The following HDAC9 variants were observed in gnomAD, a reference collection of about 807,000 sequenced individuals.
The protein encoded by HDAC9 is histone deacetylase 9.
HDAC9 carries 41 observed loss-of-function variants against 139.4 expected under a neutral mutation model. The observed-to-expected ratio is 0.29, with a 90% CI of 0.23 to 0.38. The LOEUF (loss-of-function observed/expected upper bound fraction) is 0.38, where lower values mean the gene tolerates loss of function less well. Among genes scored for constraint, HDAC9 ranks in the 10% least tolerant of loss-of-function variants. The probability of loss-of-function intolerance (pLI) is 1.00; values close to 1 mark genes in which losing one functional copy is unlikely to be tolerated. For synonymous variants in HDAC9, 517 were observed against 476.2 expected, an observed-to-expected ratio of 1.09 and a Z score of -1.12; for missense variants, 1,147 against 1,297.0, an observed-to-expected ratio of 0.88 and a Z score of 1.78.
intron 22 of HDAC9, among the ~76,000 whole-genome samples, chr7:18,888,209 G>A (rs1439018493): frequency 6.6e-6 from 1 of 152,040 alleles, no homozygotes; most frequent in Non-Finnish European, 1.5e-5. Flanking sequence ...ATCACGAGGT[G>A]AGGAGATCGA....
intron 2 of HDAC9, among the ~76,000 whole-genome samples, chr7:18,572,701 A>G (rs1298384095): frequency 6.6e-6 from 1 of 152,070 alleles, no homozygotes; most frequent in Non-Finnish European, 1.5e-5. Flanking sequence ...TTTTAATCTC[A>G]AATTACAAAA....
intron 21 of HDAC9, among the ~76,000 whole-genome samples, chr7:18,855,668 G>C (rs886834131): frequency 6.6e-6 from 1 of 151,796 alleles, no homozygotes; most frequent in Non-Finnish European, 1.5e-5. Flanking sequence ...TTATTTTTCT[G>C]CTTGCCGTTC....
intron 1 of HDAC9, among the ~76,000 whole-genome samples, chr7:18,433,437 G>C (rs1790867352): frequency 6.6e-6 from 1 of 152,158 alleles, no homozygotes. Flanking sequence ...CAAATAGGAA[G>C]AGAGGAAGTC....
chr7:18,650,224 T>C (rs556403850), intron 11 of HDAC9, among the ~76,000 whole-genome samples: 15 of 152,292 alleles, frequency 9.8e-5, no homozygotes, highest in African/African-American at 2.6e-4. Flanking sequence ...CACTGTTTAG[T>C]GCAAGAAATG....
At chr7:18,888,532 C>T (rs371229783) in intron 22 of HDAC9, among the ~76,000 whole-genome samples, 21 of 152,312 alleles carry the variant, frequency 1.4e-4, no homozygotes, top group African/African-American at 5.1e-4. Context: ...TAATTTTCCT[C>T]CAAGTTGTTT....
intron 1 of HDAC9, among the ~76,000 whole-genome samples, chr7:18,306,603 C>G (rs1020141840): frequency 4.6e-5 from 7 of 152,132 alleles, no homozygotes. Context: ...TGGTCTCTCT[C>G]CAAGTGGTGC....
intron 1 of HDAC9, among the ~76,000 whole-genome samples, chr7:18,332,277 C>G (rs1308885129): frequency 6.6e-6 from 1 of 151,374 alleles, no homozygotes; most frequent in African/African-American, 2.4e-5. Flanking sequence ...AGCCAGAGTT[C>G]CCCTAAGAGC....
intron 2 of HDAC9, among the ~76,000 whole-genome samples, chr7:18,501,806 C>G (rs1191744736): frequency 1.3e-5 from 2 of 152,088 alleles, no homozygotes; most frequent in Non-Finnish European, 1.5e-5. Context: ...ATTACACACC[C>G]CCACACAAAG....
At chr7:18,676,184 GC>G (rs894769598) in intron 12 of HDAC9, among the ~76,000 whole-genome samples, 1 of 151,900 alleles carries the variant, frequency 6.6e-6, no homozygotes, top group African/African-American at 2.4e-5. Flanking sequence ...TGTCATATTT[GC>G]ACTGGACTCT....
intron 23 of HDAC9, among the ~76,000 whole-genome samples, chr7:18,945,209 A>G (rs941488785): frequency 1.3e-5 from 2 of 152,232 alleles, no homozygotes; most frequent in African/African-American, 2.4e-5. Flanking sequence ...TCAGTCTTTT[A>G]AAATCTTAGC....
At chr7:18,441,623 G>T (rs1005816042) in intron 1 of HDAC9, among the ~76,000 whole-genome samples, 1 of 152,182 alleles carries the variant, frequency 6.6e-6, no homozygotes, top group Non-Finnish European at 1.5e-5. Context: ...GTATTCACTT[G>T]TTTGGAGGTG....
intron 11 of HDAC9, among the ~76,000 whole-genome samples, chr7:18,651,171 A>G (rs1378899440): frequency 1.3e-5 from 2 of 152,178 alleles, no homozygotes; most frequent in African/African-American, 2.4e-5. Flanking sequence ...ATGTTTCTGT[A>G]TAATATATTG....
At chr7:18,957,628 T>TTTTTAA (rs1161347914) in intron 24 of HDAC9, among the ~76,000 whole-genome samples, 31 of 152,222 alleles carry the variant, frequency 2.0e-4, no homozygotes, top group Non-Finnish European at 4.0e-4. Context: ...ATTAATAATT[T>TTTTTAA]CTGGAGGGTA....
chr7:18,746,706 T>C (rs1788004556), intron 13 of HDAC9, among the ~76,000 whole-genome samples: 1 of 152,198 alleles, frequency 6.6e-6, no homozygotes, highest in South Asian at 2.1e-4. Context: ...TTTCATTCAC[T>C]CATTAAAACA....
At chr7:18,354,945 A>AC in intron 1 of HDAC9, among the ~76,000 whole-genome samples, 1 of 152,260 alleles carries the variant, frequency 6.6e-6, no homozygotes, top group Middle Eastern at 3.4e-3. Context: ...CACTGAAACC[A>AC]CAGCTGGTCT....
chr7:18,834,566 A>C (rs1796092527), intron 19 of HDAC9, among the ~76,000 whole-genome samples: 1 of 148,620 alleles, frequency 6.7e-6, no homozygotes, highest in Non-Finnish European at 1.5e-5. Context: ...GGACTGGTGT[A>C]GGGAAAGGAG....
intron 12 of HDAC9, chr7:18,666,913 T>G (rs1172311587): frequency 2.0e-6 from 2 of 996,910 alleles, no homozygotes. Context: ...TTTGATTTTT[T>G]GCAACATCTA....
chr7:18,524,899 CACATT>C (rs1806309835), intron 2 of HDAC9, among the ~76,000 whole-genome samples: 1 of 150,302 alleles, frequency 6.7e-6, no homozygotes, highest in Non-Finnish European at 1.5e-5. Flanking sequence ...CACACACACA[CACATT>C]ACAGATAAGT....
At chr7:18,294,641 G>A (rs1255232325) in intron 1 of HDAC9, among the ~76,000 whole-genome samples, 1 of 152,156 alleles carries the variant, frequency 6.6e-6, no homozygotes, top group Admixed American at 6.5e-5. Flanking sequence ...GCTGGGCCTA[G>A]TAGGTCATGT....
Sources: allele counts gnomAD v4.1 joint callset (sites outside exome capture counted in the v4.1 genomes callset), GRCh38; gene constraint gnomAD v4.1.1; transcripts MANE v1.5; gene names NCBI Gene and HGNC (gene_info 2026-07-23, HGNC 2026-07-21).